SCN3A: variants seen among roughly 807,000 people sequenced by gnomAD.
SCN3A encodes sodium channel protein type 3 subunit alpha.
A neutral mutation model predicts 187.6 loss-of-function variants in SCN3A; 60 were observed. The observed-to-expected ratio is 0.32, with a 90% CI of 0.26 to 0.40. SCN3A has a LOEUF of 0.40. SCN3A is among the 10% of genes least tolerant of loss of function. The pLI is 1.00. For missense variants in SCN3A, 1,601 were observed against 2,428.2 expected (o/e 0.66, Z 7.16); for synonymous variants, 788 against 829.2 (o/e 0.95, Z 0.85).
At chr2:165,110,703 G>C (rs1559191456) in intron 21 of SCN3A, among the ~76,000 whole-genome samples, 1 of 152,084 alleles carries the variant, frequency 6.6e-6, no homozygotes, top group Non-Finnish European at 1.5e-5. Flanking sequence ...CCCTGCTTTG[G>C]GAAAATTAAG....
At chr2:165,165,794 C>T (rs1397862054) in intron 5 of SCN3A, among the ~76,000 whole-genome samples, 4 of 152,154 alleles carry the variant, frequency 2.6e-5, no homozygotes, top group African/African-American at 7.2e-5. Flanking sequence ...TATGAGGGAA[C>T]AAAGACATCA....
intron 9 of SCN3A, among the ~76,000 whole-genome samples, chr2:165,160,114 G>T (rs1689267943): frequency 7.7e-6 from 1 of 130,490 alleles, no homozygotes; most frequent in Non-Finnish European, 1.5e-5. Flanking sequence ...GGGCGACAGA[G>T]CTAAACTCCG....
intron 13 of SCN3A, 150 bp from the exon 14 acceptor site, chr2:165,139,758 C>A: frequency 1.9e-5 from 19 of 976,310 alleles, no homozygotes; most frequent in Admixed American, 1.2e-4. Context: ...AAGTTATAAA[C>A]AGTTTTTTTT....
At chr2:165,106,714 T>C (rs1303720864) in intron 21 of SCN3A, among the ~76,000 whole-genome samples, 4 of 152,232 alleles carry the variant, frequency 2.6e-5, no homozygotes, top group African/African-American at 9.6e-5. Flanking sequence ...TTGTTATTAG[T>C]ATTACAAATG....
chr2:165,125,364 C>T (rs1442372085), intron 18 of SCN3A, among the ~76,000 whole-genome samples: 3 of 151,750 alleles, frequency 2.0e-5, no homozygotes, highest in East Asian at 1.9e-4. Flanking sequence ...AGTGCAGTGG[C>T]GCAATCTCCG....
intron 9 of SCN3A, among the ~76,000 whole-genome samples, chr2:165,160,596 A>G (rs1689300706): frequency 7.0e-6 from 1 of 143,648 alleles, no homozygotes; most frequent in South Asian, 2.2e-4. Context: ...TTAATAGGCA[A>G]TAAATTCTTT....
intron 18 of SCN3A, among the ~76,000 whole-genome samples, chr2:165,118,329 T>G (rs1182990003): frequency 1.3e-5 from 2 of 152,200 alleles, no homozygotes; most frequent in African/African-American, 4.8e-5. Context: ...CATGGAGAAT[T>G]GCTTTACAGT....
At position 165,089,459 on chromosome 2, in the gene SCN3A, C is replaced by T. The variant is rs1028050950; in HGVS notation, c.*691G>A. The T allele has an allele frequency of 6.6e-6, 1 of 152,540 alleles. No individual in the cohort carries two copies. Among genetic ancestry groups the T allele is most frequent in the African/African-American group, 2.4e-5 (1 of 41,420 alleles). The allele number at this position is 152,540 out of a possible 1,614,324, so 9.4% of individuals were successfully genotyped here. ...AATTTGCACTTGCTGAAACAGAATA[C>T]TTTGCATAAAAATAATCCTTTAAAT... On this transcript the variant is annotated 3_prime_UTR_variant, in exon 28 of 28. Coordinates refer to ENST00000283254, the MANE Select transcript of SCN3A (RefSeq NM_006922.4).
At chr2:165,120,936 A>G (rs373053561) in intron 18 of SCN3A, among the ~76,000 whole-genome samples, 2 of 152,122 alleles carry the variant, frequency 1.3e-5, no homozygotes, top group African/African-American at 4.8e-5. Context: ...GAATAAGAAC[A>G]TGGTATGTGA....
At chr2:165,117,665 CTT>C (rs1686438873) in intron 18 of SCN3A, among the ~76,000 whole-genome samples, 1 of 151,926 alleles carries the variant, frequency 6.6e-6, no homozygotes, top group Non-Finnish European at 1.5e-5. Flanking sequence ...GAATTATAGT[CTT>C]TAGATAATTC....
intron 1 of SCN3A, among the ~76,000 whole-genome samples, chr2:165,190,896 G>A (rs181315085): frequency 8.6e-5 from 13 of 151,820 alleles, no homozygotes; most frequent in Middle Eastern, 3.4e-3. Flanking sequence ...CAGAATCACC[G>A]GGCTAACTTC....
At position 165,165,571 on chromosome 2, in the gene SCN3A, C is replaced by G. The variant is rs184984342; in HGVS notation, c.474-1051G>C. Among the ~76,000 whole-genome samples, 519 of 152,114 alleles carry G rather than the reference C, an allele frequency of 3.4e-3. 1 individual carries two copies. Among genetic ancestry groups the G allele is most frequent in the African/African-American group, 0.012 (495 of 41,500 alleles). ...TGACAATATAAGTTATTGCTGTTTT[C>G]GTTTTTTTCCCAAAATAGTTGAGAG... On this transcript the variant is annotated intron_variant, in intron 5 of 27. Coordinates refer to ENST00000283254, the MANE Select transcript of SCN3A (RefSeq NM_006922.4).
In SCN3A at chr2:165,140,804, G is replaced by C. The variant is rs1373656141; in HGVS notation, c.1866C>G (p.Asn622Lys). ...ACATACTGGCCTGACTAACGTTACT[G>C]TTGCGTCGCTCTCCATGTCTGTGCG... ...FVPHRHGERR[N>K]SNVSQASMSS... The change falls in exon 13 of 28, where the codon AAC (asparagine) becomes AAG (lysine). Residue 622 changes from asparagine to lysine, a missense_variant. Coordinates refer to ENST00000283254, the MANE Select transcript of SCN3A (RefSeq NM_006922.4). The surrounding 1 kb of genome is among the most constrained non-coding windows in gnomAD (Gnocchi z 4.2). 5 of 1,614,108 alleles carry C rather than the reference G, an allele frequency of 3.1e-6. No homozygotes were observed. Among genetic ancestry groups the C allele is most frequent in the Non-Finnish European group, 3.4e-6 (4 of 1,180,008 alleles).
At chr2:165,185,896 A>G (rs1239906115) in intron 2 of SCN3A, among the ~76,000 whole-genome samples, 1 of 152,050 alleles carries the variant, frequency 6.6e-6, no homozygotes, top group Non-Finnish European at 1.5e-5. Flanking sequence ...CCAAATAAAT[A>G]TAATAAAATT....
chr2:165,201,301 A>G (rs1174219158), intron 1 of SCN3A, among the ~76,000 whole-genome samples: 1 of 152,068 alleles, frequency 6.6e-6, no homozygotes, highest in African/African-American at 2.4e-5. Context: ...TGTTTCAGCA[A>G]GGGCATCCTT....
Position 165,201,229 on chromosome 2 carries a change from T to G in SCN3A, c.-248+2594A>C, listed in dbSNP as rs371545309. ...GGAAGGCATTATGAGTTCTATAAAC[T>G]CTCCAGGAATTGCCTGGAATGTTAA... On this transcript the variant is annotated intron_variant, in intron 1 of 27. Coordinates refer to ENST00000283254, the MANE Select transcript of SCN3A (RefSeq NM_006922.4). Among the ~76,000 whole-genome samples the G allele has an allele frequency of 2.2e-4, 33 of 152,146 alleles. No homozygotes were observed. The South Asian group carries it at 3.9e-3, about 18-fold the overall frequency.
rs2105809378 is a variant in SCN3A at position 165,140,242 on chromosome 2, T to C, written c.2019+409A>G. On this transcript the variant is annotated intron_variant, in intron 13 of 27. Transcript: ENST00000283254. The surrounding 1 kb of genome is among the most constrained non-coding windows in gnomAD (Gnocchi z 4.2). ...AAATTGCCCATTATCAACAAATTGG[T>C]TATAATATTTAATTTTAAGAATATG... Among the ~76,000 whole-genome samples, 1 of 152,280 alleles carries C rather than the reference T, an allele frequency of 6.6e-6. No individual in the cohort carries two copies. Among genetic ancestry groups the C allele is most frequent in the South Asian group, 2.1e-4 (1 of 4,820 alleles).
intron 9 of SCN3A, among the ~76,000 whole-genome samples, chr2:165,161,137 CTTTTTTTTTTTTTT>C (rs61608647): frequency 1.1e-3 from 107 of 93,402 alleles, no homozygotes; most frequent in African/African-American, 3.8e-3. Flanking sequence ...TTCTTTCTTT[CTTTTTTTTTTTTTT>C]TTTTTTTTTT....
chr2:165,176,010 A>C, intron 3 of SCN3A, 121 bp downstream of exon 3: 1 of 827,202 alleles, frequency 1.2e-6, no homozygotes, highest in Non-Finnish European at 1.9e-6. Flanking sequence ...AGTGACAGTG[A>C]AGAGTATTAT....
Sources: allele counts gnomAD v4.1 joint callset (sites outside exome capture counted in the v4.1 genomes callset), GRCh38; gene constraint gnomAD v4.1.1; non-coding constraint Gnocchi (gnomAD v3.1); transcripts MANE v1.5; gene names NCBI Gene and HGNC (gene_info 2026-07-23, HGNC 2026-07-21).